TNRC6C: variants seen among roughly 807,000 people sequenced by gnomAD.
TNRC6C encodes trinucleotide repeat containing adaptor 6C.
Under a neutral mutation model 153.7 loss-of-function variants are expected in TNRC6C, and 20 were observed. The ratio of observed to expected loss-of-function variants is 0.13; its 90% CI spans 0.09 to 0.19. TNRC6C has a LOEUF of 0.19. Among genes scored for constraint, TNRC6C ranks in the 10% least tolerant of loss-of-function variants. The probability of loss-of-function intolerance (pLI) is 1.00; values close to 1 mark genes in which losing one functional copy is unlikely to be tolerated. For missense variants in TNRC6C, 1,987 were observed against 2,172.0 expected (o/e 0.91, Z 1.69); for synonymous variants, 811 against 841.4 (o/e 0.96, Z 0.63).
chr17:77,978,448 C>T (rs912681808), intron 1 of TNRC6C, among the ~76,000 whole-genome samples: 4 of 152,014 alleles, frequency 2.6e-5, no homozygotes, highest in African/African-American at 9.7e-5. Flanking sequence ...ACCCTGCCGC[C>T]GGGAACTAAA....
intron 1 of TNRC6C, among the ~76,000 whole-genome samples, chr17:78,031,183 GT>G (rs1330124544): frequency 6.6e-6 from 1 of 152,192 alleles, no homozygotes; most frequent in Non-Finnish European, 1.5e-5. Context: ...AAGTCTGGAG[GT>G]TGGCACCAGG....
At chr17:78,026,393 C>T (rs1411470030) in intron 1 of TNRC6C, among the ~76,000 whole-genome samples, 1 of 152,162 alleles carries the variant, frequency 6.6e-6, no homozygotes, top group Non-Finnish European at 1.5e-5. Context: ...TGGGAATTAC[C>T]ATGTTTTTTG....
intron 13 of TNRC6C, among the ~76,000 whole-genome samples, chr17:78,088,421 A>T (rs1330239311): frequency 6.6e-6 from 1 of 151,180 alleles, no homozygotes; most frequent in East Asian, 1.9e-4. Context: ...TTTGGTAGAG[A>T]CAGGGTCTTT....
chr17:78,014,185 G>T (rs370345459), intron 1 of TNRC6C, among the ~76,000 whole-genome samples: 121 of 152,280 alleles, frequency 7.9e-4, no homozygotes, highest in African/African-American at 2.5e-3. Flanking sequence ...TTTAGGATTT[G>T]CCATTTGTTC....
chr17:78,072,315 A>C (rs979886169), intron 6 of TNRC6C, among the ~76,000 whole-genome samples: 3 of 152,258 alleles, frequency 2.0e-5, no homozygotes, highest in Non-Finnish European at 4.4e-5. Context: ...ATAAATTATC[A>C]AAATGAATCT....
chr17:78,067,997 A>G (rs2072917193), intron 5 of TNRC6C, 74 bp downstream of exon 7: 2 of 1,502,398 alleles, frequency 1.3e-6, no homozygotes, highest in African/African-American at 1.4e-5. Context: ...TATCCAGTTA[A>G]TCAGACAAAA....
intron 16 of TNRC6C, chr17:78,097,838 T>C (rs1567966835): frequency 1.9e-6 from 3 of 1,549,948 alleles, no homozygotes; most frequent in Non-Finnish European, 2.6e-6. Context: ...TTCAGCAGCA[T>C]TGCATCCGCA....
chr17:77,988,740 T>C (rs1280307985), intron 1 of TNRC6C, among the ~76,000 whole-genome samples: 2 of 152,230 alleles, frequency 1.3e-5, no homozygotes, highest in South Asian at 2.1e-4. Flanking sequence ...TTCTGTGTTA[T>C]GGTACATGTG....
intron 3 of TNRC6C, among the ~76,000 whole-genome samples, chr17:78,064,232 A>C (rs1269716469): frequency 1.3e-5 from 2 of 151,994 alleles, no homozygotes; most frequent in Non-Finnish European, 2.9e-5. Flanking sequence ...AATAGCTCGG[A>C]TTACAAGTGC....
At chr17:78,011,128 C>A (rs2071621397) in intron 1 of TNRC6C, among the ~76,000 whole-genome samples, 1 of 152,202 alleles carries the variant, frequency 6.6e-6, no homozygotes, top group South Asian at 2.1e-4. Context: ...TGACAGTCTG[C>A]TGTCTAAAAA....
chr17:78,050,406 T>A, exon 3 of TNRC6C: 1 of 1,613,984 alleles, frequency 6.2e-7, no homozygotes. Flanking sequence ...CTAATACTGG[T>A]TGGGGACAGA....
chr17:78,025,890 A>T (rs1032307833), intron 1 of TNRC6C, among the ~76,000 whole-genome samples: 1 of 152,194 alleles, frequency 6.6e-6, no homozygotes, highest in African/African-American at 2.4e-5. Context: ...TCACAGAATT[A>T]AAACTGCATG....
At chr17:78,077,027 C>T (rs1242410625) in intron 8 of TNRC6C, 158 bp from the exon 11 acceptor site, 20 of 763,120 alleles carry the variant, frequency 2.6e-5, no homozygotes, top group South Asian at 8.8e-5. Context: ...TCTTTTTCCC[C>T]TCTTCCTTTT....
chr17:78,037,178 CTT>C (rs2143798037), intron 2 of TNRC6C, among the ~76,000 whole-genome samples: 1 of 152,304 alleles, frequency 6.6e-6, no homozygotes, highest in South Asian at 2.1e-4. Context: ...CTTTTTCACT[CTT>C]TTTCCTTTTC....
chr17:78,034,326 T>G (rs990405655), intron 2 of TNRC6C, among the ~76,000 whole-genome samples: 10 of 151,914 alleles, frequency 6.6e-5, no homozygotes, highest in Non-Finnish European at 1.2e-4. Context: ...CAAAGTGCTG[T>G]GATTCCAGGC....
chr17:77,983,769 T>C (rs776219379), intron 1 of TNRC6C, among the ~76,000 whole-genome samples: 11 of 152,204 alleles, frequency 7.2e-5, no homozygotes, highest in African/African-American at 9.7e-5. Context: ...CTTTGCTTTT[T>C]CCCCCCTTAT....
In TNRC6C at chr17:78,035,047, T is replaced by C. The variant is rs138135082; in HGVS notation, c.-219+3205T>C. On this transcript the variant is annotated intron_variant, in intron 2 of 19. Coordinates refer to ENST00000301624, the Ensembl canonical transcript of TNRC6C. ...AGGACTTGGAAACTAGAACTTGTTA[T>C]GCCACCAACTAGTCCTTCCATTTCT... is the stretch of plus-strand genomic sequence containing the variant. 2.6e-5 allele frequency among the ~76,000 whole-genome samples: 4 copies of C among 152,340 alleles called. No individual in the cohort carries two copies. The East Asian group carries it at 7.7e-4, about 29-fold the overall frequency.
chr17:78,068,861 C>T (rs917493212), intron 5 of TNRC6C, among the ~76,000 whole-genome samples: 18 of 152,164 alleles, frequency 1.2e-4, no homozygotes, highest in African/African-American at 4.1e-4. Context: ...CTCATATATA[C>T]ATGAGCTACA....
At chr17:78,108,682 C>G (rs777989024) in exon 20 of TNRC6C, 3 of 154,566 alleles carry the variant, frequency 1.9e-5, no homozygotes, top group Non-Finnish European at 2.9e-5. Flanking sequence ...GGACCCCACG[C>G]AAAGACCTCG....
Sources: allele counts gnomAD v4.1 joint callset (sites outside exome capture counted in the v4.1 genomes callset), GRCh38; gene constraint gnomAD v4.1.1; transcripts MANE v1.5; gene names NCBI Gene and HGNC (gene_info 2026-07-23, HGNC 2026-07-21).